The following DNAH14 variants were observed in gnomAD, a reference collection of about 807,000 sequenced individuals.
DNAH14 encodes the protein axonemal beta dynein heavy chain 14.
A neutral mutation model predicts 520.9 loss-of-function variants in DNAH14; 478 were observed. That is an observed-to-expected ratio of 0.92 (90% confidence interval 0.85 to 0.99). The LOEUF is 0.99. DNAH14 is among the 50% of genes least tolerant of loss of function. The probability of loss-of-function intolerance (pLI) is 0.00; values close to 1 mark genes in which losing one functional copy is unlikely to be tolerated. For missense variants in DNAH14, 4,831 were observed against 5,234.5 expected, an observed-to-expected ratio of 0.92 and a Z score of 2.38; for synonymous variants, 1,581 against 1,757.2, an observed-to-expected ratio of 0.90 and a Z score of 2.51.
intron 36 of DNAH14, among the ~76,000 whole-genome samples, chr1:225,174,491 T>C (rs1033183771): frequency 1.5e-4 from 23 of 152,230 alleles, no homozygotes; most frequent in Non-Finnish European, 2.9e-4. Flanking sequence ...TACTGGCATA[T>C]AGAAATGCTA....
intron 23 of DNAH14, among the ~76,000 whole-genome samples, chr1:225,104,388 T>C (rs1034147603): frequency 5.3e-5 from 8 of 152,340 alleles, no homozygotes; most frequent in African/African-American, 1.9e-4. Context: ...ATCAGGATGA[T>C]ACTGGCTTCA....
intron 28 of DNAH14, among the ~76,000 whole-genome samples, chr1:225,143,927 A>G (rs997858175): frequency 1.3e-5 from 2 of 152,238 alleles, no homozygotes; most frequent in South Asian, 4.1e-4. Context: ...CACAATTCAC[A>G]GTGCTCATGA....
At chr1:225,331,402 A>G (rs2094794762) in intron 64 of DNAH14, 35 bp from the exon 65 acceptor site, 1 of 1,540,382 alleles carries the variant, frequency 6.5e-7, no homozygotes, top group African/African-American at 1.4e-5. Context: ...TGAGAGTAAG[A>G]TATTTTTCTC....
intron 27 of DNAH14, among the ~76,000 whole-genome samples, chr1:225,130,815 T>TATA (rs202010965): frequency 1.7e-4 from 26 of 150,276 alleles, no homozygotes; most frequent in African/African-American, 2.4e-4. Flanking sequence ...AAACTTAAAG[T>TATA]ATAATAATAA....
At position 225,159,465 on chromosome 1, in the gene DNAH14, G is replaced by C; in HGVS notation, c.5425G>C (p.Val1809Leu). Residue 1809 changes from valine (V) to leucine (L), a missense_variant, in exon 35 of 86, where the codon GTA becomes CTA. Coordinates refer to ENST00000682510, the MANE Select transcript of DNAH14 (RefSeq NM_001367479.1). ...TTTTCCAGAAGTGACAGTTTTGAAA[G>C]TAAATCAACTTGCCTTGGAGGTAAA... ...DIFPEVTVLKVNQLALEKVIY... is the reference protein window; with the variant it reads ...DIFPEVTVLKLNQLALEKVIY... 6.5e-7 allele frequency: 1 copy of C among 1,533,020 alleles called. No individual in the cohort carries two copies. 95.0% of individuals were successfully genotyped at this position (1,533,020 alleles called of 1,614,324 possible).
At chr1:225,111,357 T>A (rs2076464577) in intron 23 of DNAH14, among the ~76,000 whole-genome samples, 1 of 152,146 alleles carries the variant, frequency 6.6e-6, no homozygotes, top group South Asian at 2.1e-4. Flanking sequence ...ATCCTCTTGC[T>A]GAATTGACCC....
chr1:225,144,617 G>C lies in DNAH14; in HGVS notation c.4729G>C (p.Asp1577His). ...TACAGGAAAAACTGAGACTGTCAAA[G>C]ATCTAGCAAAAGTAAGTGGTTTCTG... is the stretch of plus-strand genomic sequence containing the variant. ...AGTGKTETVK[D>H]LAKSLGKHCV... Residue 1577 changes from aspartate to histidine, a missense_variant, in exon 29 of 86, where the codon GAT (aspartate) becomes CAT (histidine). Transcript: ENST00000682510. 6.5e-7 allele frequency: 1 copy of C among 1,549,772 alleles called. No individual in the cohort carries two copies. The highest frequency in any genetic ancestry group is 8.7e-7 in the Non-Finnish European group (1 of 1,145,812).
chr1:225,072,776 G>C (rs539210016), intron 17 of DNAH14, among the ~76,000 whole-genome samples: 26 of 152,214 alleles, frequency 1.7e-4, no homozygotes, highest in African/African-American at 6.0e-4. Context: ...GTATGCTGGG[G>C]GTCCACTGCA....
At position 225,388,425 on chromosome 1, in the gene DNAH14, A is replaced by G; in HGVS notation, c.13124A>G (p.Asp4375Gly). Residue 4375 changes from aspartate (D) to glycine (G), a missense_variant, in exon 82 of 86, where the codon GAT becomes GGT. Physicochemically the swap from Asp to Gly is moderately conservative, Grantham distance 94 (BLOSUM62 -1). Transcript: ENST00000682510. ...SCKPLSSWID[D>G]LIQRLNFFNT... ...AAGCCACTGAGTTCCTGGATTGATG[A>G]TCTCATCCAGCGACTGAATTTCTTC... 1 of 1,535,200 alleles carries G rather than the reference A, an allele frequency of 6.5e-7. No individual in the cohort carries two copies. Among genetic ancestry groups the G allele is most frequent in the East Asian group, 2.5e-5 (1 of 40,442 alleles).
intron 19 of DNAH14, 52 bp from the exon 20 acceptor site, chr1:225,082,497 T>TA: frequency 7.5e-7 from 1 of 1,326,566 alleles, no homozygotes; most frequent in Non-Finnish European, 9.9e-7. Flanking sequence ...TTTTTTTGGT[T>TA]AAAAAATATA....
Position 225,257,951 on chromosome 1 carries a change from T to A in DNAH14, c.6866-9T>A. On this transcript the variant is annotated splice_polypyrimidine_tract_variant and intron_variant, in intron 44 of 85. Transcript: ENST00000682510. ...GTCATTTGAAACTTTTTTTAAAATG[T>A]TAACTTAGGAACTTCATTACTAACT... 1.3e-6 allele frequency: 2 copies of A among 1,539,918 alleles called. No homozygotes were observed. Among genetic ancestry groups the A allele is most frequent in the Admixed American group, 4.1e-5 (2 of 48,758 alleles).
intron 26 of DNAH14, among the ~76,000 whole-genome samples, chr1:225,121,885 ATAAT>A (rs1003036692): frequency 2.0e-5 from 3 of 151,486 alleles, no homozygotes; most frequent in African/African-American, 7.2e-5. Context: ...TAATAAATAA[ATAAT>A]TAAATAATTT....
chr1:225,107,560 G>A (rs1045550166), intron 23 of DNAH14, among the ~76,000 whole-genome samples: 2 of 152,148 alleles, frequency 1.3e-5, no homozygotes, highest in Non-Finnish European at 2.9e-5. Flanking sequence ...AGTTTAGTAG[G>A]CAAGATAGAA....
At chr1:225,167,398 G>C (rs923645964) in intron 35 of DNAH14, among the ~76,000 whole-genome samples, 2 of 152,102 alleles carry the variant, frequency 1.3e-5, no homozygotes, top group Non-Finnish European at 2.9e-5. Flanking sequence ...ATAATACCTT[G>C]GTTAAAATAT....
Position 225,333,361 on chromosome 1 carries a change from C to T in DNAH14, c.9935C>T (p.Ser3312Leu). 3.2e-6 allele frequency: 5 copies of T among 1,551,744 alleles called. No individual in the cohort carries two copies. Among genetic ancestry groups the T allele is most frequent in the South Asian group, 1.2e-5 (1 of 84,046 alleles). ...GGAATTTTGGGTGACATACTTCTTT[C>T]AGCAGCGTGCATTGTCTACAGTGGA... ...LEGILGDILLSAACIVYSGIL... is the reference protein window; with the variant it reads ...LEGILGDILLLAACIVYSGIL... The change falls in exon 66 of 86, where the codon TCA becomes TTA. Residue 3312 changes from serine to leucine, a missense_variant. Physicochemically the swap from Ser to Leu is moderately radical, Grantham distance 145. Transcript: ENST00000682510.
intron 64 of DNAH14, among the ~76,000 whole-genome samples, chr1:225,329,800 T>A (rs2094754467): frequency 6.6e-6 from 1 of 152,072 alleles, no homozygotes; most frequent in Admixed American, 6.6e-5. Flanking sequence ...CACGGGCTAA[T>A]GGGATCACAT....
intron 27 of DNAH14, 30 bp from the exon 28 acceptor site, chr1:225,140,738 T>G (rs75827633): frequency 0.062 from 83,500 of 1,337,322 alleles, 2,951 homozygotes; most frequent in African/African-American, 0.14. Context: ...TAGAGAGAGA[T>G]ATATATATAA....
intron 41 of DNAH14, among the ~76,000 whole-genome samples, chr1:225,225,847 C>G (rs1450517169): frequency 1.3e-5 from 2 of 152,098 alleles, no homozygotes; most frequent in Non-Finnish European, 2.9e-5. Context: ...ATAAAACCAT[C>G]CATGGCATGC....
rs1193260817 is a variant in DNAH14 at position 225,192,872 on chromosome 1, T to TAAA, written c.5847_5848insAAA (p.Ile1949_Asp1950insLys). The TAAA allele has an allele frequency of 6.5e-7, 1 of 1,549,010 alleles. No homozygotes were observed. Among genetic ancestry groups the TAAA allele is most frequent in the Non-Finnish European group, 8.7e-7 (1 of 1,145,418 alleles). On this transcript the variant is annotated inframe_insertion, in exon 38 of 86. Transcript: ENST00000682510. ...CACCAAAGAACACAAAGAAAGACAT[T>TAAA]GATCTCAGACTAAAGTCAAGAATCT...
Sources: gnomAD v4.1 joint callset for allele counts (sites outside exome capture counted in the v4.1 genomes callset) on GRCh38, gnomAD v4.1.1 for gene constraint, MANE v1.5 for transcripts, NCBI Gene and HGNC (gene_info 2026-07-23, HGNC 2026-07-21) for gene names.